RANBP17: variants seen among roughly 807,000 people sequenced by gnomAD.
RANBP17 encodes the protein ran-binding protein 17.
Under a neutral mutation model 141.2 loss-of-function variants are expected in RANBP17, and 158 were observed. That is an observed-to-expected ratio of 1.12 (90% confidence interval 0.98 to 1.28). RANBP17 has a LOEUF of 1.28. Among genes scored for constraint, RANBP17 ranks in the 50% most tolerant of loss-of-function variants. The pLI is 0.00. For missense variants in RANBP17, 1,438 were observed against 1,290.7 expected (o/e 1.11, Z -1.75); for synonymous variants, 430 against 450.0 (o/e 0.96, Z 0.56).
intron 14 of RANBP17, among the ~76,000 whole-genome samples, chr5:170,991,700 T>C (rs911112457): frequency 9.9e-5 from 15 of 151,990 alleles, no homozygotes; most frequent in African/African-American, 3.6e-4. Flanking sequence ...ACAGAAGTGA[T>C]ACCTTTTACA....
At chr5:170,894,485 T>TA (rs3080618) in intron 4 of RANBP17, among the ~76,000 whole-genome samples, 91,820 of 137,452 alleles carry the variant, frequency 0.67, 31,676 homozygotes, top group South Asian at 0.87. Context: ...GTACGTGTTT[T>TA]TTATATATAT....
chr5:170,918,403 T>TACACACACACAC (rs55900214), intron 9 of RANBP17: 25,684 of 161,434 alleles, frequency 0.16, 2,328 homozygotes, highest in Non-Finnish European at 0.21. Flanking sequence ...TAAACCACAG[T>TACACACACACAC]ACACACACAC....
chr5:171,058,452 A>G (rs1292054593), intron 14 of RANBP17, among the ~76,000 whole-genome samples: 2 of 151,050 alleles, frequency 1.3e-5, no homozygotes, highest in South Asian at 2.1e-4. Flanking sequence ...GAGAATGATG[A>G]TTTCCAATTT....
intron 11 of RANBP17, among the ~76,000 whole-genome samples, chr5:170,920,146 T>TAA (rs904901686): frequency 6.6e-6 from 1 of 152,116 alleles, no homozygotes; most frequent in African/African-American, 2.4e-5. Flanking sequence ...TGTACAAACA[T>TAA]AAGTTTTTGT....
intron 22 of RANBP17, among the ~76,000 whole-genome samples, chr5:171,233,696 A>G (rs1397348605): frequency 1.3e-5 from 2 of 152,208 alleles, no homozygotes; most frequent in Non-Finnish European, 2.9e-5. Context: ...AAAAGGGAAA[A>G]CTATGAAGAC....
chr5:171,160,406 A>T (rs1183380570), intron 14 of RANBP17, among the ~76,000 whole-genome samples: 7 of 152,184 alleles, frequency 4.6e-5, no homozygotes, highest in Admixed American at 4.6e-4. Flanking sequence ...TTCCAATAAA[A>T]ATAATAGGTA....
At chr5:170,949,336 A>T (rs528806186) in intron 12 of RANBP17, among the ~76,000 whole-genome samples, 1 of 152,288 alleles carries the variant, frequency 6.6e-6, no homozygotes, top group East Asian at 1.9e-4. Context: ...CATATGACTG[A>T]TAAGAGATTA....
chr5:170,872,794 T>C (rs189834658), intron 1 of RANBP17, among the ~76,000 whole-genome samples: 1 of 152,262 alleles, frequency 6.6e-6, no homozygotes, highest in Non-Finnish European at 1.5e-5. Flanking sequence ...GATAATCATG[T>C]GATTTTTGTC....
At chr5:171,104,861 T>A (rs915268759) in intron 14 of RANBP17, among the ~76,000 whole-genome samples, 2 of 152,204 alleles carry the variant, frequency 1.3e-5, no homozygotes, top group Admixed American at 6.5e-5. Context: ...GTTGATGATG[T>A]TGTCATTGCT....
intron 14 of RANBP17, among the ~76,000 whole-genome samples, chr5:170,990,466 A>G (rs1180799964): frequency 1.3e-5 from 2 of 151,898 alleles, no homozygotes; most frequent in African/African-American, 2.4e-5. Context: ...AAGGCCAACA[A>G]ATTTTTTCAG....
At chr5:170,935,985 G>A (rs1051966871) in intron 12 of RANBP17, among the ~76,000 whole-genome samples, 2 of 152,156 alleles carry the variant, frequency 1.3e-5, no homozygotes, top group African/African-American at 4.8e-5. Context: ...TACTCAAGCC[G>A]CAGCAATGGC....
Position 171,221,855 on chromosome 5 carries a change from C to T in RANBP17, c.2422+15C>T. 1.4e-6 allele frequency: 2 copies of T among 1,381,308 alleles called. No homozygotes were observed. The highest frequency in any genetic ancestry group is 4.6e-5 in the East Asian group (2 of 43,716). The allele number at this position is 1,381,308 out of a possible 1,614,324, so 85.6% of individuals were successfully genotyped here. A position where few individuals can be genotyped will look rare whatever the true frequency, so the allele number is the denominator to read the frequency against. On this transcript the variant is annotated intron_variant, in intron 22 of 27. Transcript: ENST00000523189. ...TTGCACTTATGGTGAGTGTCCTTTTCCATATGTGCCTCTGCAATATAGTTT... is the reference window on the plus strand; with the variant it reads ...TTGCACTTATGGTGAGTGTCCTTTTTCATATGTGCCTCTGCAATATAGTTT...
At chr5:171,062,567 A>T (rs1027025640) in intron 14 of RANBP17, among the ~76,000 whole-genome samples, 2 of 152,096 alleles carry the variant, frequency 1.3e-5, no homozygotes, top group Admixed American at 6.6e-5. Context: ...GGGTAACCCA[A>T]CCTTTCTCTC....
intron 14 of RANBP17, among the ~76,000 whole-genome samples, chr5:171,012,230 T>C (rs562113847): frequency 2.0e-3 from 301 of 152,132 alleles, no homozygotes; most frequent in Non-Finnish European, 3.7e-3. Context: ...CAATGAACTA[T>C]GGAGCAAAAG....
intron 14 of RANBP17, among the ~76,000 whole-genome samples, chr5:171,054,982 A>T (rs969622531): frequency 9.9e-5 from 15 of 152,210 alleles, no homozygotes; most frequent in African/African-American, 3.6e-4. Flanking sequence ...GAGATCCGAC[A>T]GAAGGTGGTA....
intron 14 of RANBP17, among the ~76,000 whole-genome samples, chr5:171,111,200 T>G (rs1755203877): frequency 6.6e-6 from 1 of 152,196 alleles, no homozygotes; most frequent in Admixed American, 6.5e-5. Flanking sequence ...AAAATATTCT[T>G]TATGCCAAAG....
intron 22 of RANBP17, among the ~76,000 whole-genome samples, chr5:171,238,607 C>A (rs1764687924): frequency 6.6e-6 from 1 of 152,196 alleles, no homozygotes; most frequent in African/African-American, 2.4e-5. Context: ...TAGCTCTTTT[C>A]ATCACATGGG....
rs1766626924 is a variant in RANBP17 at position 171,265,726 on chromosome 5, T to TCACC, written c.2823_2826dup (p.Tyr943HisfsTer52). 1 of 1,614,118 alleles carries TCACC rather than the reference T, an allele frequency of 6.2e-7. No individual in the cohort carries two copies. The highest frequency in any genetic ancestry group is 8.5e-7 in the Non-Finnish European group (1 of 1,179,990). ...TGCTGTACCAGTTTAGACTACATCG[T>TCACC]CACCTACCTCTTCAAGCACATAGCA... On this transcript the variant is annotated frameshift_variant, in exon 25 of 28. Transcript: ENST00000523189. LOFTEE classifies it high-confidence loss of function.
intron 27 of RANBP17, among the ~76,000 whole-genome samples, chr5:171,297,696 G>T (rs116386094): frequency 6.6e-6 from 1 of 151,950 alleles, no homozygotes; most frequent in African/African-American, 2.4e-5. Flanking sequence ...TGTGTACTGC[G>T]TCCTGAGCTG....
Sources: allele counts gnomAD v4.1 joint callset (sites outside exome capture counted in the v4.1 genomes callset), GRCh38; gene constraint gnomAD v4.1.1; transcripts MANE v1.5; gene names NCBI Gene and HGNC (gene_info 2026-07-23, HGNC 2026-07-21).